The following KCNMA1 variants were observed in gnomAD, a reference collection of about 807,000 sequenced individuals.
KCNMA1 encodes the protein Calcium-activated potassium channel subunit alpha-1.
KCNMA1 carries 29 observed loss-of-function variants against 140.0 expected under a neutral mutation model. That is an observed-to-expected ratio of 0.21 (90% CI 0.15 to 0.28). The LOEUF (loss-of-function observed/expected upper bound fraction) is 0.28, where lower values mean the gene tolerates loss of function less well. KCNMA1 is among the 10% of genes least tolerant of loss of function. KCNMA1 has a pLI of 1.00. For missense variants in KCNMA1, 880 were observed against 1,602.2 expected (o/e 0.55, Z 7.70); for synonymous variants, 612 against 611.9 (o/e 1.00, Z 0.00).
chr10:76,924,539 C>T (rs1482482337), intron 23 of KCNMA1, among the ~76,000 whole-genome samples: 1 of 152,078 alleles, frequency 6.6e-6, no homozygotes, highest in Non-Finnish European at 1.5e-5. Context: ...CCTGAAATCT[C>T]GAAACCTCAT....
intron 2 of KCNMA1, among the ~76,000 whole-genome samples, chr10:77,384,288 T>C (rs1245981790): frequency 1.3e-5 from 2 of 152,154 alleles, no homozygotes; most frequent in Non-Finnish European, 2.9e-5. Context: ...CACTCCCAGG[T>C]TGGACCAATA....
chr10:77,387,467 T>G (rs2095643778), intron 2 of KCNMA1, among the ~76,000 whole-genome samples: 1 of 152,122 alleles, frequency 6.6e-6, no homozygotes, highest in Non-Finnish European at 1.5e-5. Context: ...CAAATAACAC[T>G]AGTACTACCA....
At chr10:77,479,766 TA>T (rs2154531124) in intron 1 of KCNMA1, among the ~76,000 whole-genome samples, 1 of 152,310 alleles carries the variant, frequency 6.6e-6, no homozygotes, top group Non-Finnish European at 1.5e-5. Flanking sequence ...TTTGCAGCAC[TA>T]AGAAGATGCT....
intron 6 of KCNMA1, among the ~76,000 whole-genome samples, chr10:77,118,704 G>A (rs1021437800): frequency 4.6e-5 from 7 of 152,106 alleles, no homozygotes; most frequent in Admixed American, 4.6e-4. Context: ...ATCCTTGACT[G>A]CCCTGCAACT....
At chr10:77,278,698 T>A (rs1390737344) in intron 2 of KCNMA1, among the ~76,000 whole-genome samples, 1 of 152,194 alleles carries the variant, frequency 6.6e-6, no homozygotes, top group African/African-American at 2.4e-5. Context: ...GGATTTGGTA[T>A]GGTAAAAGTG....
intron 2 of KCNMA1, among the ~76,000 whole-genome samples, chr10:77,312,799 G>A (rs2079680521): frequency 1.3e-5 from 2 of 152,182 alleles, no homozygotes; most frequent in South Asian, 4.1e-4. Flanking sequence ...CCCTCCACAT[G>A]AGCCTGGTGG....
chr10:77,006,112 C>T (rs766444912), intron 18 of KCNMA1, among the ~76,000 whole-genome samples: 1 of 152,184 alleles, frequency 6.6e-6, no homozygotes, highest in African/African-American at 2.4e-5. Flanking sequence ...CATCTGCCAC[C>T]TGCATCAGCA....
intron 22 of KCNMA1, 97 bp downstream of exon 22, chr10:76,949,045 A>G: frequency 9.8e-7 from 1 of 1,016,298 alleles, no homozygotes; most frequent in Middle Eastern, 2.0e-4. Flanking sequence ...ATGAAGAAGC[A>G]CAGGCATGAT....
At chr10:76,899,738 G>C (rs2044241984) in intron 25 of KCNMA1, among the ~76,000 whole-genome samples, 1 of 151,996 alleles carries the variant, frequency 6.6e-6, no homozygotes, top group African/African-American at 2.4e-5. Context: ...TGAATGATTT[G>C]GGGGAAACTG....
intron 15 of KCNMA1, among the ~76,000 whole-genome samples, chr10:77,037,364 T>C (rs548402392): frequency 6.6e-6 from 1 of 152,350 alleles, no homozygotes; most frequent in South Asian, 2.1e-4. Context: ...TCTTGCATTG[T>C]CACATTAGAT....
intron 1 of KCNMA1, among the ~76,000 whole-genome samples, chr10:77,409,104 G>A (rs1311992937): frequency 2.6e-5 from 4 of 152,148 alleles, no homozygotes; most frequent in Non-Finnish European, 5.9e-5. Context: ...ATTCCCTTTA[G>A]TGGTGTTCCC....
At chr10:77,315,215 G>A (rs142576634) in intron 2 of KCNMA1, among the ~76,000 whole-genome samples, 5 of 152,272 alleles carry the variant, frequency 3.3e-5, no homozygotes, top group South Asian at 4.1e-4. Context: ...ATGTGCCTAC[G>A]TTTGGTTGTG....
chr10:76,937,992 T>A (rs571838268), intron 23 of KCNMA1, among the ~76,000 whole-genome samples: 9 of 152,166 alleles, frequency 5.9e-5, no homozygotes, highest in Admixed American at 2.6e-4. Context: ...AGTGGACATA[T>A]GTCTTGGGTT....
chr10:76,877,549 A>G (rs201326727), downstream of KCNMA1: 7 of 475,466 alleles, frequency 1.5e-5, no homozygotes, highest in South Asian at 1.1e-4. Context: ...AAATGAAATC[A>G]TTTTCTTTTC....
At chr10:77,020,737 T>A (rs1245824297) in intron 16 of KCNMA1, 1 of 152,206 alleles carries the variant, frequency 6.6e-6, no homozygotes, top group Non-Finnish European at 1.5e-5. Context: ...TTCAGTATGA[T>A]GTTTTAGAAA....
rs575088974 is a variant in KCNMA1 at position 77,489,108 on chromosome 10, T to G, written c.379-85085A>C. On this transcript the variant is annotated intron_variant, in intron 1 of 27. Coordinates refer to ENST00000286628, the MANE Select transcript of KCNMA1 (RefSeq NM_001161352.2). ...AGATGACCCCAGGGCCTACCTGTGATCTCAGGGCGATGGGTAGAGCTCACA... is the reference window on the plus strand; with the variant it reads ...AGATGACCCCAGGGCCTACCTGTGAGCTCAGGGCGATGGGTAGAGCTCACA... Among the ~76,000 whole-genome samples, 116 of 152,184 alleles carry G rather than the reference T, an allele frequency of 7.6e-4. 1 individual carries two copies. Among genetic ancestry groups the G allele is most frequent in the African/African-American group, 2.7e-3 (112 of 41,540 alleles).
In KCNMA1 at chr10:76,885,044, A is replaced by G; in HGVS notation, c.*2222T>C. 1 of 1,548,038 alleles carries G rather than the reference A, an allele frequency of 6.5e-7. No individual in the cohort carries two copies. Among genetic ancestry groups the G allele is most frequent in the Non-Finnish European group, 8.7e-7 (1 of 1,145,866 alleles). Reference sequence around the variant, plus strand: ...TTTAGAGAGAGAAGTAAGCTATGTGAGTTTTACAATGCTTTTAAACTGTCA... The same window carrying G: ...TTTAGAGAGAGAAGTAAGCTATGTGGGTTTTACAATGCTTTTAAACTGTCA... On this transcript the variant is annotated 3_prime_UTR_variant, in exon 28 of 28. Coordinates refer to ENST00000286628, the MANE Select transcript of KCNMA1 (RefSeq NM_001161352.2).
chr10:76,961,217 G>T (rs1907742), intron 20 of KCNMA1, among the ~76,000 whole-genome samples: 1 of 151,000 alleles, frequency 6.6e-6, no homozygotes, highest in Non-Finnish European at 1.5e-5. Context: ...GAGTTTGGAA[G>T]AAGTGAATTC....
chr10:77,565,596 T>C (rs1173965790), intron 1 of KCNMA1, among the ~76,000 whole-genome samples: 2 of 152,202 alleles, frequency 1.3e-5, no homozygotes, highest in African/African-American at 4.8e-5. Flanking sequence ...CAACGCACTG[T>C]GTGACCTTAA....
Sources: gnomAD v4.1 joint callset for allele counts (sites outside exome capture counted in the v4.1 genomes callset) on GRCh38, gnomAD v4.1.1 for gene constraint, MANE v1.5 for transcripts, NCBI Gene and HGNC (gene_info 2026-07-23, HGNC 2026-07-21) for gene names.